The following CCDC91 variants were observed in gnomAD, a reference collection of about 807,000 sequenced individuals.
The protein encoded by CCDC91 is coiled-coil domain-containing protein 91.
CCDC91 carries 48 observed loss-of-function variants against 63.2 expected under a neutral mutation model. The ratio of observed to expected loss-of-function variants is 0.76; its 90% CI spans 0.60 to 0.97. CCDC91 has a LOEUF of 0.97. CCDC91 is among the 50% of genes least tolerant of loss of function. CCDC91 has a pLI of 0.00. For synonymous variants in CCDC91, 167 were observed against 165.8 expected (o/e 1.01, Z -0.06); for missense variants, 500 against 494.6 (o/e 1.01, Z -0.10).
chr12:28,430,212 C>T (rs896251076), intron 8 of CCDC91, among the ~76,000 whole-genome samples: 3 of 151,676 alleles, frequency 2.0e-5, no homozygotes, highest in African/African-American at 7.3e-5. Context: ...GTCAAGGCAT[C>T]CCCCAAAAAT....
At chr12:28,517,746 T>C (rs11830040) in intron 12 of CCDC91, among the ~76,000 whole-genome samples, 3,077 of 151,940 alleles carry the variant, frequency 0.02, 44 homozygotes, top group African/African-American at 0.038. Context: ...CCAAGCAGTA[T>C]ACACTGCACC....
At chr12:28,362,095 G>A (rs1198425441) in intron 6 of CCDC91, among the ~76,000 whole-genome samples, 3 of 151,924 alleles carry the variant, frequency 2.0e-5, no homozygotes, top group Non-Finnish European at 4.4e-5. Context: ...AAATATAGAG[G>A]CCAAGGCTTG....
At chr12:28,448,478 G>T (rs1049882636) in intron 8 of CCDC91, among the ~76,000 whole-genome samples, 1 of 152,156 alleles carries the variant, frequency 6.6e-6, no homozygotes, top group Non-Finnish European at 1.5e-5. Flanking sequence ...GTCTTCTGTT[G>T]TAGGATACTG....
At chr12:28,314,929 A>G (rs1939685926) in intron 6 of CCDC91, among the ~76,000 whole-genome samples, 1 of 151,954 alleles carries the variant, frequency 6.6e-6, no homozygotes, top group South Asian at 2.1e-4. Flanking sequence ...TTCTTATTTC[A>G]AAGCTAATTG....
chr12:28,282,123 G>T lies in CCDC91; in HGVS notation c.109+22681G>T, dbSNP rs190168451. Among the ~76,000 whole-genome samples, 156 of 152,194 alleles carry T rather than the reference G, an allele frequency of 1.0e-3. 1 individual carries two copies. Among genetic ancestry groups the T allele is most frequent in the African/African-American group, 3.4e-3 (141 of 41,552 alleles). On this transcript the variant is annotated intron_variant, in intron 3 of 12. Transcript: ENST00000536442. ...GAACTTTACTCAGAATATTTACAAT[G>T]AATAAAATACAGCCTCACGTACTAC...
intron 12 of CCDC91, among the ~76,000 whole-genome samples, chr12:28,498,680 A>G (rs897171029): frequency 2.0e-5 from 3 of 151,694 alleles, no homozygotes; most frequent in Non-Finnish European, 4.4e-5. Flanking sequence ...ACCTTACTTT[A>G]TAGTATCACT....
intron 6 of CCDC91, among the ~76,000 whole-genome samples, chr12:28,328,506 AAG>A (rs1179212712): frequency 2.0e-5 from 3 of 152,184 alleles, no homozygotes; most frequent in Admixed American, 2.0e-4. Context: ...CCAATTTAGA[AAG>A]AGCAACATAA....
intron 1 of CCDC91, among the ~76,000 whole-genome samples, chr12:28,215,287 A>G (rs1943491875): frequency 6.6e-6 from 1 of 152,180 alleles, no homozygotes; most frequent in African/African-American, 2.4e-5. Flanking sequence ...CTGACTGCAT[A>G]TCTTTGGACA....
chr12:28,190,970 G>C (rs993929132), intron 1 of CCDC91, among the ~76,000 whole-genome samples: 4 of 152,252 alleles, frequency 2.6e-5, no homozygotes, highest in Non-Finnish European at 4.4e-5. Flanking sequence ...AGCGCCTACC[G>C]AACGGAGACC....
intron 1 of CCDC91, 62 bp downstream of exon 1, chr12:28,190,703 G>C (rs1319206482): frequency 6.6e-6 from 1 of 152,156 alleles, no homozygotes; most frequent in Non-Finnish European, 1.5e-5. Flanking sequence ...GAGGCGAGCG[G>C]AGAGCGCCCC....
chr12:28,403,555 G>T (rs1946761468), intron 8 of CCDC91, among the ~76,000 whole-genome samples: 1 of 151,924 alleles, frequency 6.6e-6, no homozygotes, highest in Non-Finnish European at 1.5e-5. Flanking sequence ...CTTTAATAAG[G>T]GTACTAATCA....
intron 12 of CCDC91, among the ~76,000 whole-genome samples, chr12:28,490,990 A>T (rs1453037388): frequency 6.6e-6 from 1 of 151,868 alleles, no homozygotes; most frequent in African/African-American, 2.4e-5. Flanking sequence ...ATATCCCATT[A>T]TTCCTGTAGC....
chr12:28,489,508 G>A (rs1951887938), intron 12 of CCDC91, among the ~76,000 whole-genome samples: 1 of 151,866 alleles, frequency 6.6e-6, no homozygotes. Context: ...ATAACATTCA[G>A]CAAGCAACAA....
At chr12:28,422,559 C>T (rs1417348138) in intron 8 of CCDC91, among the ~76,000 whole-genome samples, 1 of 151,994 alleles carries the variant, frequency 6.6e-6, no homozygotes, top group African/African-American at 2.4e-5. Flanking sequence ...CCAGGAAAAA[C>T]ACATTTTATT....
chr12:28,429,170 A>C (rs1486804335), intron 8 of CCDC91, among the ~76,000 whole-genome samples: 1 of 152,140 alleles, frequency 6.6e-6, no homozygotes, highest in Non-Finnish European at 1.5e-5. Flanking sequence ...GGTTGCACTT[A>C]GGGGAGTTAT....
At chr12:28,540,685 G>A (rs1255378249) in intron 12 of CCDC91, among the ~76,000 whole-genome samples, 1 of 152,140 alleles carries the variant, frequency 6.6e-6, no homozygotes, top group Non-Finnish European at 1.5e-5. Flanking sequence ...ATACATTGTA[G>A]ATGTCTCCAA....
At chr12:28,369,571 C>T (rs1944482727) in intron 7 of CCDC91, among the ~76,000 whole-genome samples, 1 of 152,116 alleles carries the variant, frequency 6.6e-6, no homozygotes, top group Admixed American at 6.5e-5. Context: ...GATGGTGGTC[C>T]ACTTCTCACA....
At chr12:28,401,884 A>G (rs1032113005) in intron 8 of CCDC91, among the ~76,000 whole-genome samples, 2 of 152,190 alleles carry the variant, frequency 1.3e-5, no homozygotes, top group African/African-American at 4.8e-5. Flanking sequence ...ATTCTTAATT[A>G]TGATTAATTT....
intron 7 of CCDC91, among the ~76,000 whole-genome samples, chr12:28,364,375 G>A (rs767480470): frequency 3.9e-5 from 6 of 151,938 alleles, no homozygotes; most frequent in Admixed American, 6.5e-5. Flanking sequence ...GTGACAGAGC[G>A]AGACTCCGTC....
Sources: allele counts gnomAD v4.1 joint callset (sites outside exome capture counted in the v4.1 genomes callset), GRCh38; gene constraint gnomAD v4.1.1; transcripts MANE v1.5; gene names NCBI Gene and HGNC (gene_info 2026-07-23, HGNC 2026-07-21).